The following GSG1L variants were observed in gnomAD, a reference collection of about 807,000 sequenced individuals.
The protein encoded by GSG1L is GSG1 like.
Under a neutral mutation model 42.1 loss-of-function variants are expected in GSG1L, and 24 were observed. That is an observed-to-expected ratio of 0.57 (90% CI 0.41 to 0.80). The LOEUF (loss-of-function observed/expected upper bound fraction) is 0.80, where lower values mean the gene tolerates loss of function less well. Ranked by LOEUF, GSG1L falls within the 30% of genes least tolerant of loss-of-function variation. The probability of loss-of-function intolerance (pLI) is 0.00; values close to 1 mark genes in which losing one functional copy is unlikely to be tolerated. For missense variants in GSG1L, 445 were observed against 472.2 expected, an observed-to-expected ratio of 0.94 and a Z score of 0.53; for synonymous variants, 215 against 203.5, an observed-to-expected ratio of 1.06 and a Z score of -0.48.
intron 6 of GSG1L, among the ~76,000 whole-genome samples, chr16:27,792,646 C>T (rs1458431545): frequency 1.3e-5 from 2 of 152,148 alleles, no homozygotes; most frequent in East Asian, 3.9e-4. Context: ...TCCCTCATCC[C>T]AGAGCACCCA....
chr16:28,035,532 G>A (rs994948725), intron 1 of GSG1L, among the ~76,000 whole-genome samples: 4 of 152,098 alleles, frequency 2.6e-5, no homozygotes, highest in African/African-American at 7.2e-5. Context: ...GCAGGCAGTG[G>A]GGGCTGTACC....
At chr16:27,933,128 A>C (rs13331338) in intron 2 of GSG1L, among the ~76,000 whole-genome samples, 7,543 of 152,102 alleles carry the variant, frequency 0.05, 652 homozygotes, top group African/African-American at 0.17. Context: ...AATACTTCAG[A>C]CAGAATTGGA....
chr16:27,806,118 T>C (rs906664222), intron 6 of GSG1L, among the ~76,000 whole-genome samples: 3 of 152,110 alleles, frequency 2.0e-5, no homozygotes, highest in Non-Finnish European at 4.4e-5. Flanking sequence ...GGAGGAGTTC[T>C]CCAAACACAT....
chr16:27,868,529 C>G (rs2083760558), intron 3 of GSG1L, among the ~76,000 whole-genome samples: 1 of 151,936 alleles, frequency 6.6e-6, no homozygotes, highest in South Asian at 2.1e-4. Flanking sequence ...AGAAATAGAT[C>G]CAGCTACCAT....
chr16:27,827,578 G>T (rs1293292066), intron 5 of GSG1L, among the ~76,000 whole-genome samples: 1 of 152,102 alleles, frequency 6.6e-6, no homozygotes, highest in Admixed American at 6.5e-5. Flanking sequence ...GAGTGAGGTG[G>T]ATACAGCAGA....
intron 2 of GSG1L, among the ~76,000 whole-genome samples, chr16:27,942,242 C>T (rs894160248): frequency 3.9e-5 from 6 of 152,210 alleles, no homozygotes; most frequent in East Asian, 1.9e-4. Context: ...CTCTGCCTCC[C>T]GGGTTCAAGT....
At chr16:27,840,475 G>A (rs1250531594) in intron 4 of GSG1L, among the ~76,000 whole-genome samples, 5 of 152,100 alleles carry the variant, frequency 3.3e-5, no homozygotes, top group East Asian at 1.9e-4. Flanking sequence ...CTGACCTGAC[G>A]TTGTCACAGG....
At position 28,058,504 on chromosome 16, in the gene GSG1L, C is replaced by T. The variant is rs1451066155; in HGVS notation, c.349+4572G>A. Among the ~76,000 whole-genome samples, 4 of 151,942 alleles carry T rather than the reference C, an allele frequency of 2.6e-5. No homozygotes were observed. In the East Asian group the frequency reaches 7.8e-4, roughly 29 times the overall value. ...ATTAGCCAGGTATGGTGGTGTACAC[C>T]TGTGGTCCCAGCTACTCGGGAGGCT... On this transcript the variant is annotated intron_variant, in intron 1 of 6. Coordinates refer to ENST00000447459, the MANE Select transcript of GSG1L (RefSeq NM_001109763.2).
chr16:27,950,169 T>G (rs747344526), intron 2 of GSG1L, among the ~76,000 whole-genome samples: 1 of 152,188 alleles, frequency 6.6e-6, no homozygotes, highest in Non-Finnish European at 1.5e-5. Context: ...TCATTTCTCA[T>G]AGCAAAGCAT....
rs547406528 is a variant in GSG1L at position 27,942,313 on chromosome 16, C to G, written c.397+20843G>C. 3.9e-5 allele frequency among the ~76,000 whole-genome samples: 6 copies of G among 152,424 alleles called. No homozygotes were observed. In the South Asian group the frequency reaches 1.2e-3, roughly 32 times the overall value. The stretch of plus-strand genomic sequence containing the variant: ...TACAGGTGCTGGCCACCACATCCAG[C>G]TAATTTTTATATTTTTGGTAGAGAT... On this transcript the variant is annotated intron_variant, in intron 2 of 6. Transcript: ENST00000447459.
chr16:27,927,910 C>G (rs375602420), intron 2 of GSG1L, among the ~76,000 whole-genome samples: 54 of 152,248 alleles, frequency 3.5e-4, no homozygotes, highest in Middle Eastern at 3.4e-3. Context: ...GCCTGGACAT[C>G]AGCATTTCCT....
At chr16:28,060,346 A>T (rs1321855360) in intron 1 of GSG1L, among the ~76,000 whole-genome samples, 3 of 152,094 alleles carry the variant, frequency 2.0e-5, no homozygotes, top group Non-Finnish European at 4.4e-5. Context: ...GGATTTTGGC[A>T]CTGTAGGATC....
chr16:27,901,775 C>T (rs541360315), intron 2 of GSG1L, among the ~76,000 whole-genome samples: 25 of 152,330 alleles, frequency 1.6e-4, no homozygotes, highest in African/African-American at 6.0e-4. Context: ...TGGGATAAAC[C>T]CCAGCTCCGT....
chr16:27,969,410 T>A (rs1489650814), intron 1 of GSG1L, among the ~76,000 whole-genome samples: 1 of 152,176 alleles, frequency 6.6e-6, no homozygotes, highest in Non-Finnish European at 1.5e-5. Context: ...TAGAATACAC[T>A]CAATATGATC....
intron 1 of GSG1L, among the ~76,000 whole-genome samples, chr16:27,982,037 A>G (rs2085331830): frequency 6.6e-6 from 1 of 152,146 alleles, no homozygotes; most frequent in Admixed American, 6.5e-5. Context: ...ATCTACCAAA[A>G]GAAGTGATCT....
At chr16:27,846,299 T>G (rs554995657) in intron 3 of GSG1L, among the ~76,000 whole-genome samples, 4 of 152,172 alleles carry the variant, frequency 2.6e-5, no homozygotes, top group African/African-American at 9.7e-5. Context: ...TCTCTGGAAT[T>G]GTTACCCTGC....
chr16:27,842,169 C>A (rs1376217603), intron 4 of GSG1L, among the ~76,000 whole-genome samples: 2 of 141,712 alleles, frequency 1.4e-5, no homozygotes, highest in Non-Finnish European at 3.2e-5. Flanking sequence ...ACCAGTAGCA[C>A]GATGTCGCGC....
intron 1 of GSG1L, among the ~76,000 whole-genome samples, chr16:27,983,986 T>C (rs2085353023): frequency 6.6e-6 from 1 of 152,126 alleles, no homozygotes. Flanking sequence ...ACAATGCCCA[T>C]AGCATAGATA....
rs773640809 is a variant in GSG1L, at chr16:27,797,539, AG to A, written c.899-6073del. On this transcript the variant is annotated intron_variant, in intron 6 of 6. Coordinates refer to ENST00000447459, the MANE Select transcript of GSG1L (RefSeq NM_001109763.2). The stretch of plus-strand genomic sequence containing the variant: ...ACTCCATCTCAAAAAAAAAAAAAAA[AG>A]GGCCGGGCGCGGTGGCTCACGCCTG... Among the ~76,000 whole-genome samples the A allele has an allele frequency of 6.5e-4, 65 of 100,460 alleles. 4 individuals carry two copies. The highest frequency in any genetic ancestry group is 1.2e-3 in the African/African-American group (29 of 23,832). The allele number at this position is 100,460 out of a possible 152,430, so 65.9% of individuals were successfully genotyped here.
Sources: gnomAD v4.1 joint callset for allele counts (sites outside exome capture counted in the v4.1 genomes callset) on GRCh38, gnomAD v4.1.1 for gene constraint, MANE v1.5 for transcripts, NCBI Gene and HGNC (gene_info 2026-07-23, HGNC 2026-07-21) for gene names.